The following ECHDC2 variants were observed in gnomAD, a reference collection of about 807,000 sequenced individuals.
The protein encoded by ECHDC2 is enoyl-CoA hydratase domain containing 2.
Under a neutral mutation model 40.6 loss-of-function variants are expected in ECHDC2, and 34 were observed. That is an observed-to-expected ratio of 0.84 (90% CI 0.64 to 1.11). ECHDC2 has a LOEUF of 1.11. ECHDC2 is among the 50% of genes most tolerant of loss of function. ECHDC2 has a pLI of 0.00. For missense variants in ECHDC2, 392 were observed against 400.7 expected (o/e 0.98, Z 0.19); for synonymous variants, 162 against 166.6 (o/e 0.97, Z 0.21).
Position 52,911,808 on chromosome 1 carries a change from A to T in ECHDC2, c.122-18T>A, listed in dbSNP as rs749623701. 3 of 1,613,456 alleles carry T rather than the reference A, an allele frequency of 1.9e-6. No homozygotes were observed. Among genetic ancestry groups the T allele is most frequent in the Non-Finnish European group, 2.5e-6 (3 of 1,179,846 alleles). The stretch of plus-strand genomic sequence containing the variant: ...AGTGATCCCTGTAAGGAGTCAGGGC[A>T]GCCACGGGAAAGCAGCTGGCTCTGC... On this transcript the variant is annotated intron_variant, in intron 1 of 9. Coordinates refer to ENST00000371522, the MANE Select transcript of ECHDC2 (RefSeq NM_001198961.2).
rs926689121 is a variant in ECHDC2, at chr1:52,908,483, C to T, written c.278-529G>A. Among the ~76,000 whole-genome samples the T allele has an allele frequency of 7.3e-5, 11 of 151,294 alleles. No homozygotes were observed. In the East Asian group the frequency reaches 1.4e-3, roughly 19 times the overall value. Reference sequence around the variant, plus strand: ...ACCAACTGCACTCCAGCCTCGGTGACGAGCAAGACTCCGTTTCAAAGAAGA... The same window carrying T: ...ACCAACTGCACTCCAGCCTCGGTGATGAGCAAGACTCCGTTTCAAAGAAGA... On this transcript the variant is annotated intron_variant, in intron 3 of 9. Transcript: ENST00000371522.
intron 1 of ECHDC2, chr1:52,915,254 AG>A (rs1650426335): frequency 6.6e-6 from 3 of 455,860 alleles, no homozygotes. Flanking sequence ...TGGCCTTCAA[AG>A]ACCCCTTATT....
At chr1:52,906,442 G>C in intron 5 of ECHDC2, 77 bp downstream of exon 5, 1 of 1,232,128 alleles carries the variant, frequency 8.1e-7, no homozygotes. Context: ...GCTGACTGCA[G>C]AATGTCCAGA....
At chr1:52,902,704 AGTTT>A (rs1323368815) in intron 7 of ECHDC2, among the ~76,000 whole-genome samples, 8 of 152,190 alleles carry the variant, frequency 5.3e-5, no homozygotes, top group Non-Finnish European at 7.4e-5. Flanking sequence ...TTAAATATTT[AGTTT>A]GTTTTTAAAA....
At chr1:52,920,385 G>A in intron 1 of ECHDC2, 1 of 721,022 alleles carries the variant, frequency 1.4e-6, no homozygotes, top group Non-Finnish European at 2.5e-6. Flanking sequence ...AATACTGCTG[G>A]GGAAGGGGCG....
At chr1:52,911,499 T>C in intron 3 of ECHDC2, 67 bp downstream of exon 3, 1 of 1,486,260 alleles carries the variant, frequency 6.7e-7, no homozygotes, top group Non-Finnish European at 9.4e-7. Flanking sequence ...ATCTAAGGTT[T>C]CCCCCAACCC....
At chr1:52,908,929 CAAAAAAAAAAAAAAAAA>C (rs34090739) in intron 3 of ECHDC2, among the ~76,000 whole-genome samples, 2 of 43,852 alleles carry the variant, frequency 4.6e-5, no homozygotes, top group Non-Finnish European at 1.0e-4. Context: ...GACAGAGTCT[CAAAAAAAAAAAAAAAAA>C]AAAAAAAAGG....
chr1:52,917,600 G>C (rs754043440), intron 1 of ECHDC2: 1 of 456,078 alleles, frequency 2.2e-6, no homozygotes, highest in South Asian at 1.5e-5. Context: ...TTGTGGTGGA[G>C]AACCTTAGTG....
At chr1:52,920,434 A>T in intron 1 of ECHDC2, 1 of 1,105,730 alleles carries the variant, frequency 9.0e-7, no homozygotes, top group Non-Finnish European at 1.3e-6. Flanking sequence ...GCAAGAAGCC[A>T]CTGAAACAGC....
At chr1:52,905,190 G>C (rs1301791675) in intron 5 of ECHDC2, 100 bp from the exon 6 acceptor site, 2 of 1,330,508 alleles carry the variant, frequency 1.5e-6, no homozygotes, top group African/African-American at 1.4e-5. Context: ...CGCCCCTCTA[G>C]CCACTTGCCC....
chr1:52,899,318 G>C, intron 7 of ECHDC2, 94 bp from the exon 8 acceptor site: 2 of 1,188,400 alleles, frequency 1.7e-6, no homozygotes, highest in Non-Finnish European at 1.2e-6. Flanking sequence ...GAGGGAGGCA[G>C]ATGTCTGGGT....
intron 1 of ECHDC2, chr1:52,912,036 G>A: frequency 7.1e-7 from 1 of 1,407,930 alleles, no homozygotes; most frequent in Non-Finnish European, 9.2e-7. Flanking sequence ...GAAGCAAAAT[G>A]GGGAGAGGAA....
intron 1 of ECHDC2, among the ~76,000 whole-genome samples, chr1:52,919,318 C>A (rs1651401184): frequency 6.6e-6 from 1 of 152,114 alleles, no homozygotes; most frequent in Admixed American, 6.6e-5. Context: ...TTTAAAAAAT[C>A]TTTTAGACTG....
rs145638642 is a variant in ECHDC2 at position 52,902,267 on chromosome 1, G to A, written c.702+2379C>T. 3.1e-3 allele frequency among the ~76,000 whole-genome samples: 478 copies of A among 152,130 alleles called. 7 individuals carry two copies. The highest frequency in any genetic ancestry group is 0.011 in the African/African-American group (467 of 41,512). On this transcript the variant is annotated intron_variant, in intron 7 of 9. Coordinates refer to ENST00000371522, the MANE Select transcript of ECHDC2 (RefSeq NM_001198961.2). Reference sequence around the variant, plus strand: ...CACCTCCCAGACTCAAGTGATTCTCGTGCCTCAGCCTCCTGAGTAGCTGTA... The same window carrying A: ...CACCTCCCAGACTCAAGTGATTCTCATGCCTCAGCCTCCTGAGTAGCTGTA...
rs1268902458 is a variant in ECHDC2, at chr1:52,896,078, C to A, written c.*442G>T. On this transcript the variant is annotated 3_prime_UTR_variant, in exon 10 of 10. Transcript: ENST00000371522. The stretch of plus-strand genomic sequence containing the variant: ...CTGGGATCTGCAGTCTGACCCCTGA[C>A]ACATGTTCAACCGATGTCAGAGTTT... The A allele has an allele frequency of 5.9e-6, 1 of 169,048 alleles. No individual in the cohort carries two copies. Among genetic ancestry groups the A allele is most frequent in the Non-Finnish European group, 1.3e-5 (1 of 77,096 alleles). The allele number at this position is 169,048 out of a possible 1,614,324, so 10.5% of individuals were successfully genotyped here. A position where few individuals can be genotyped will look rare whatever the true frequency, so the allele number is the denominator to read the frequency against.
rs1650262228 is a variant in ECHDC2 at position 52,914,567 on chromosome 1, C to T, written c.122-2777G>A. Among the ~76,000 whole-genome samples the T allele has an allele frequency of 6.6e-6, 1 of 152,128 alleles. No homozygotes were observed. Among genetic ancestry groups the T allele is most frequent in the Non-Finnish European group, 1.5e-5 (1 of 68,016 alleles). Reference sequence around the variant, plus strand: ...AGCTAACACACGCCTGCCTCCTGTACACCCAGGGCTCCCGTGTGTGCCCAG... The same window carrying T: ...AGCTAACACACGCCTGCCTCCTGTATACCCAGGGCTCCCGTGTGTGCCCAG... On this transcript the variant is annotated intron_variant, in intron 1 of 9. Coordinates refer to ENST00000371522, the MANE Select transcript of ECHDC2 (RefSeq NM_001198961.2). This position sits in a 1 kb window ranked among gnomAD's most constrained non-coding sequence, Gnocchi z 4.0.
chr1:52,921,573 G>A lies in ECHDC2; in HGVS notation c.101C>T (p.Ala34Val), dbSNP rs778474587. 5 of 1,609,638 alleles carry A rather than the reference G, an allele frequency of 3.1e-6. No individual in the cohort carries two copies. The South Asian group carries it at 5.5e-5, about 18-fold the overall frequency. ...TTTACCTTGGTCCGGACCCGCCAGG[G>A]CGCGCACTTGGATCTCTGAGCCCCC... is the stretch of plus-strand genomic sequence containing the variant. Reference protein sequence around the residue: ...AAGGSEIQVRALAGPDQGITE... With the variant: ...AAGGSEIQVRVLAGPDQGITE... The change falls in exon 1 of 10, where the codon GCC (alanine) becomes GTC (valine). Residue 34 changes from alanine to valine, a missense_variant. Coordinates refer to ENST00000371522, the MANE Select transcript of ECHDC2 (RefSeq NM_001198961.2).
intron 1 of ECHDC2, chr1:52,917,430 T>A: frequency 2.6e-6 from 1 of 385,948 alleles, no homozygotes; most frequent in Non-Finnish European, 5.2e-6. Flanking sequence ...AAAAGGACAG[T>A]GTGGGGGACG....
chr1:52,916,949 C>T lies in ECHDC2; in HGVS notation c.121+4604G>A, dbSNP rs539084645. ...AACAGAAACCACTAGAAGGGCCAGG[C>T]GTGGTGGCTCACGCCTGTAATCCCA... On this transcript the variant is annotated intron_variant, in intron 1 of 9. Transcript: ENST00000371522. Among the ~76,000 whole-genome samples the T allele has an allele frequency of 7.2e-5, 11 of 152,256 alleles. No individual in the cohort carries two copies. The South Asian group carries it at 2.1e-3, about 29-fold the overall frequency.
Sources: allele counts gnomAD v4.1 joint callset (sites outside exome capture counted in the v4.1 genomes callset), GRCh38; gene constraint gnomAD v4.1.1; non-coding constraint Gnocchi (gnomAD v3.1); transcripts MANE v1.5; gene names NCBI Gene and HGNC (gene_info 2026-07-23, HGNC 2026-07-21).